Variants in RIPOR2 observed in about 807,000 individuals in gnomAD.
RIPOR2 encodes RHO family interacting cell polarization regulator 2.
Under a neutral mutation model 114.5 loss-of-function variants are expected in RIPOR2, and 39 were observed. The ratio of observed to expected loss-of-function variants is 0.34; its 90% CI spans 0.26 to 0.44. The LOEUF (loss-of-function observed/expected upper bound fraction) is 0.44. Among genes scored for constraint, RIPOR2 ranks in the 20% least tolerant of loss-of-function variants. The pLI is 1.00. For synonymous variants in RIPOR2, 445 were observed against 484.4 expected, an observed-to-expected ratio of 0.92 and a Z score of 1.07; for missense variants, 1,007 against 1,255.1, an observed-to-expected ratio of 0.80 and a Z score of 2.99.
chr6:24,928,996 C>T (rs1284114568), intron 1 of RIPOR2, among the ~76,000 whole-genome samples: 3 of 151,880 alleles, frequency 2.0e-5, no homozygotes, highest in Non-Finnish European at 4.4e-5. Context: ...GTATCTTCTG[C>T]GTGAAGCATT....
chr6:25,041,768 T>G lies in RIPOR2; in HGVS notation c.76+83A>C, dbSNP rs1777468087. The G allele has an allele frequency of 5.0e-5, 33 of 657,198 alleles. No individual in the cohort carries two copies. In the South Asian group the frequency reaches 5.1e-4, roughly 10 times the overall value. The allele number at this position is 657,198 out of a possible 1,614,324, so 40.7% of individuals were successfully genotyped here. A position where few individuals can be genotyped will look rare whatever the true frequency, so the allele number is the denominator to read the frequency against. On this transcript the variant is annotated intron_variant, in intron 1 of 13. Transcript: ENST00000510784. ...GAAGGGGGAAAGATTGGAGAAGATT[T>G]GCAGAGGGCAAGAAATGAGTGTGTT... is the stretch of plus-strand genomic sequence containing the variant.
At chr6:25,025,495 G>A (rs1391150839) in intron 1 of RIPOR2, among the ~76,000 whole-genome samples, 1 of 151,992 alleles carries the variant, frequency 6.6e-6, no homozygotes, top group Non-Finnish European at 1.5e-5. Flanking sequence ...AAATGACAGT[G>A]ACAGATAAAG....
chr6:24,988,715 C>T lies in RIPOR2; in HGVS notation c.76+53136G>A, dbSNP rs116453324. ...TTTATCATGCTTTTAGAACTTCCCT[C>T]CTATCTCTCCATCATGCCTTGTCCT... is the stretch of plus-strand genomic sequence containing the variant. On this transcript the variant is annotated intron_variant, in intron 1 of 13. Transcript: ENST00000510784. Among the ~76,000 whole-genome samples the T allele has an allele frequency of 2.1e-3, 317 of 152,200 alleles. 1 individual carries two copies. The highest frequency in any genetic ancestry group is 7.3e-3 in the African/African-American group (303 of 41,534).
intron 1 of RIPOR2, chr6:25,041,716 G>A (rs970223950): frequency 3.4e-6 from 2 of 592,494 alleles, no homozygotes; most frequent in East Asian, 2.9e-5. Flanking sequence ...ATTGGAAAAC[G>A]GAGCACAGGA....
At chr6:24,881,680 T>C (rs1318375096) in intron 1 of RIPOR2, among the ~76,000 whole-genome samples, 3 of 150,734 alleles carry the variant, frequency 2.0e-5, no homozygotes, top group Admixed American at 1.3e-4. Flanking sequence ...TTATAATAAG[T>C]ATAAGATTTT....
At chr6:24,971,410 T>C (rs2113546399) in intron 1 of RIPOR2, among the ~76,000 whole-genome samples, 1 of 152,346 alleles carries the variant, frequency 6.6e-6, no homozygotes, top group South Asian at 2.1e-4. Flanking sequence ...TTTGAGCAGG[T>C]TGTGATTAAC....
chr6:25,016,325 T>C (rs1776000133), intron 1 of RIPOR2, among the ~76,000 whole-genome samples: 3 of 152,210 alleles, frequency 2.0e-5, no homozygotes, highest in Non-Finnish European at 4.4e-5. Context: ...TTGAAAAATT[T>C]AGGCTGAATG....
In RIPOR2 at chr6:24,804,474, C is replaced by G. The variant is rs576522163; in HGVS notation, c.*1899G>C. The G allele has an allele frequency of 2.7e-4, 41 of 152,180 alleles. No individual in the cohort carries two copies. The highest frequency in any genetic ancestry group is 9.9e-4 in the African/African-American group (41 of 41,552). 9.4% of individuals were successfully genotyped at this position (152,180 alleles called of 1,614,324 possible). ...AAAAATGACAAACCAAACACAAAAT[C>G]CTGTAACATCTGTGTTTGACTTTCT... On this transcript the variant is annotated 3_prime_UTR_variant, in exon 22 of 22. Coordinates refer to ENST00000643898, the MANE Select transcript of RIPOR2 (RefSeq NM_001286445.3).
At chr6:24,859,520 A>C (rs940999135) in intron 8 of RIPOR2, among the ~76,000 whole-genome samples, 1 of 152,178 alleles carries the variant, frequency 6.6e-6, no homozygotes, top group Non-Finnish European at 1.5e-5. Flanking sequence ...GTGAGGACCC[A>C]AAAATGTAGA....
intron 1 of RIPOR2, among the ~76,000 whole-genome samples, chr6:24,995,800 ATT>A (rs35560241): frequency 0.056 from 7,680 of 136,460 alleles, 517 homozygotes; most frequent in African/African-American, 0.19. Context: ...AACTAGAGTG[ATT>A]TTTTTTTTTT....
chr6:24,983,085 G>A (rs1403520658), intron 1 of RIPOR2, among the ~76,000 whole-genome samples: 1 of 151,876 alleles, frequency 6.6e-6, no homozygotes, highest in Non-Finnish European at 1.5e-5. Flanking sequence ...ATCTACTCAG[G>A]GGACTAGAAT....
chr6:24,977,813 T>C (rs956430638), intron 1 of RIPOR2, among the ~76,000 whole-genome samples: 4 of 152,192 alleles, frequency 2.6e-5, no homozygotes, highest in Non-Finnish European at 5.9e-5. Flanking sequence ...AAAAAAGTTG[T>C]AATGTTTATT....
At chr6:24,881,015 G>T (rs1167386251) in intron 1 of RIPOR2, among the ~76,000 whole-genome samples, 1 of 152,106 alleles carries the variant, frequency 6.6e-6, no homozygotes, top group Non-Finnish European at 1.5e-5. Context: ...AGGCCGAGGC[G>T]GGTGGATCAC....
chr6:24,995,519 GTT>G (rs940091486), intron 1 of RIPOR2, among the ~76,000 whole-genome samples: 2 of 152,234 alleles, frequency 1.3e-5, no homozygotes, highest in African/African-American at 4.8e-5. Flanking sequence ...CTTCTACACA[GTT>G]TGTCATCCTC....
At position 24,806,408 on chromosome 6, in the gene RIPOR2, C is replaced by G; in HGVS notation, c.3109G>C (p.Gly1037Arg). The G allele has an allele frequency of 6.4e-7, 1 of 1,551,618 alleles. No homozygotes were observed. Among genetic ancestry groups the G allele is most frequent in the Non-Finnish European group, 8.7e-7 (1 of 1,146,934 alleles). Residue 1037 changes from glycine to arginine, a missense_variant, in exon 22 of 22, where the codon GGT (glycine) becomes CGT (arginine). Gly to Arg is a moderately radical substitution (Grantham distance 125). Coordinates refer to ENST00000643898, the MANE Select transcript of RIPOR2 (RefSeq NM_001286445.3). ...KFPRDCVKVG[G>R]RHGTEVATAF Reference sequence around the variant, plus strand: ...GTGGCAACTTCAGTTCCATGACGACCTCCGACTTTAACACAGTCTCGAGGA... The same window carrying G: ...GTGGCAACTTCAGTTCCATGACGACGTCCGACTTTAACACAGTCTCGAGGA...
upstream of RIPOR2, among the ~76,000 whole-genome samples, chr6:24,938,181 A>G (rs1415486479): frequency 6.6e-6 from 1 of 152,234 alleles, no homozygotes; most frequent in East Asian, 1.9e-4. Context: ...CCTTAATCCA[A>G]TATGACTAAC....
At chr6:24,939,332 C>T (rs1216851525), upstream of RIPOR2, among the ~76,000 whole-genome samples, 4 of 152,096 alleles carry the variant, frequency 2.6e-5, no homozygotes, top group African/African-American at 4.8e-5. Context: ...ACAAAGGAGG[C>T]AGAGTAGGGG....
chr6:25,005,179 C>G lies in RIPOR2; in HGVS notation c.76+36672G>C, dbSNP rs114121348. 3.4e-3 allele frequency among the ~76,000 whole-genome samples: 523 copies of G among 152,302 alleles called. 3 individuals carry two copies. Among genetic ancestry groups the G allele is most frequent in the African/African-American group, 0.012 (498 of 41,568 alleles). On this transcript the variant is annotated intron_variant, in intron 1 of 13. Transcript: ENST00000510784. Reference sequence around the variant, plus strand: ...GGCAGAGCTAACAGGATTGGAGTGGCTACTCCTGCAGTAACACTTCACACT... The same window carrying G: ...GGCAGAGCTAACAGGATTGGAGTGGGTACTCCTGCAGTAACACTTCACACT...
At chr6:24,957,802 G>A (rs2114214888) in intron 1 of RIPOR2, among the ~76,000 whole-genome samples, 1 of 152,324 alleles carries the variant, frequency 6.6e-6, no homozygotes, top group Non-Finnish European at 1.5e-5. Flanking sequence ...GTGAACCTAG[G>A]AGGCAGAGCT....
Sources: allele counts gnomAD v4.1 joint callset (sites outside exome capture counted in the v4.1 genomes callset), GRCh38; gene constraint gnomAD v4.1.1; transcripts MANE v1.5; gene names NCBI Gene and HGNC (gene_info 2026-07-23, HGNC 2026-07-21).